RABGAP1L: variants seen among roughly 807,000 people sequenced by gnomAD.
RABGAP1L encodes the protein rab GTPase-activating protein 1-like.
Under a neutral mutation model 137.7 loss-of-function variants are expected in RABGAP1L, and 63 were observed. The observed-to-expected ratio is 0.46, with a 90% CI of 0.37 to 0.56. RABGAP1L has a LOEUF of 0.56. Ranked by LOEUF, RABGAP1L falls within the 20% of genes least tolerant of loss-of-function variation. The pLI, the probability that RABGAP1L is intolerant of heterozygous loss-of-function variation, is 0.00. For missense variants in RABGAP1L, 1,095 were observed against 1,244.0 expected (o/e 0.88, Z 1.80); for synonymous variants, 431 against 433.7 (o/e 0.99, Z 0.08).
At chr1:174,756,234 C>T (rs111748674) in intron 18 of RABGAP1L, among the ~76,000 whole-genome samples, 12 of 152,226 alleles carry the variant, frequency 7.9e-5, no homozygotes, top group Admixed American at 2.0e-4. Flanking sequence ...CTGCAACCTC[C>T]GCCTCCTGGG....
intron 14 of RABGAP1L, among the ~76,000 whole-genome samples, chr1:174,670,166 A>G (rs922003575): frequency 2.0e-5 from 3 of 152,140 alleles, no homozygotes; most frequent in African/African-American, 7.2e-5. Flanking sequence ...TCAATATATT[A>G]CAGTTTTTAA....
chr1:174,781,195 A>G (rs906775987), intron 18 of RABGAP1L, among the ~76,000 whole-genome samples: 1 of 152,178 alleles, frequency 6.6e-6, no homozygotes, highest in African/African-American at 2.4e-5. Context: ...AACACTGTAA[A>G]AATGTTCCTA....
intron 13 of RABGAP1L, among the ~76,000 whole-genome samples, chr1:174,406,459 T>C (rs1391080711): frequency 6.6e-6 from 1 of 152,192 alleles, no homozygotes; most frequent in Non-Finnish European, 1.5e-5. Context: ...AGAAAGATGT[T>C]AGAGGTTATT....
intron 11 of RABGAP1L, among the ~76,000 whole-genome samples, chr1:174,308,269 A>G (rs779799608): frequency 6.6e-6 from 1 of 151,994 alleles, no homozygotes; most frequent in Non-Finnish European, 1.5e-5. Flanking sequence ...ACACATATAC[A>G]TATATGCATA....
chr1:174,383,489 G>A (rs1055222356), intron 12 of RABGAP1L, among the ~76,000 whole-genome samples: 4 of 152,160 alleles, frequency 2.6e-5, no homozygotes, highest in Non-Finnish European at 5.9e-5. Context: ...ATATAATCTC[G>A]TGGTGCGCCG....
At chr1:174,734,789 A>G (rs1018120674) in intron 17 of RABGAP1L, among the ~76,000 whole-genome samples, 1 of 152,186 alleles carries the variant, frequency 6.6e-6, no homozygotes, top group Non-Finnish European at 1.5e-5. Context: ...TCCAATAGAA[A>G]TAGAATTATT....
chr1:174,547,168 C>T (rs1290170784), intron 13 of RABGAP1L, among the ~76,000 whole-genome samples: 2 of 151,218 alleles, frequency 1.3e-5, no homozygotes, highest in East Asian at 3.9e-4. Flanking sequence ...TTCAAATCTT[C>T]ATTCTTGATC....
chr1:174,722,937 C>G (rs905154499), intron 17 of RABGAP1L, among the ~76,000 whole-genome samples: 2 of 152,086 alleles, frequency 1.3e-5, no homozygotes, highest in African/African-American at 4.8e-5. Context: ...ATGTTGTGCT[C>G]TATATTAGGC....
chr1:174,468,637 T>C (rs1035007304), intron 13 of RABGAP1L, among the ~76,000 whole-genome samples: 5 of 152,214 alleles, frequency 3.3e-5, no homozygotes, highest in Non-Finnish European at 7.3e-5. Flanking sequence ...TAAACTAATA[T>C]TGAGCATTAT....
intron 19 of RABGAP1L, among the ~76,000 whole-genome samples, chr1:174,928,079 T>C (rs1465189498): frequency 1.3e-5 from 2 of 152,228 alleles, no homozygotes; most frequent in East Asian, 3.9e-4. Flanking sequence ...CTTCAAGATC[T>C]GGCCCTTCCT....
chr1:174,956,792 T>G (rs1668575960), intron 19 of RABGAP1L, among the ~76,000 whole-genome samples: 1 of 151,726 alleles, frequency 6.6e-6, no homozygotes, highest in Non-Finnish European at 1.5e-5. Flanking sequence ...GGATTACAGA[T>G]GCCCACCACC....
chr1:174,768,833 G>A (rs1256968098), intron 18 of RABGAP1L, among the ~76,000 whole-genome samples: 1 of 152,082 alleles, frequency 6.6e-6, no homozygotes, highest in Non-Finnish European at 1.5e-5. Flanking sequence ...ATGCCCTCTT[G>A]GACAAATTCT....
At chr1:174,889,109 T>TTTTTAA (rs1655668491) in intron 19 of RABGAP1L, among the ~76,000 whole-genome samples, 1 of 151,630 alleles carries the variant, frequency 6.6e-6, no homozygotes, top group African/African-American at 2.4e-5. Context: ...TTTGTTTTAT[T>TTTTTAA]TTTTAATTTT....
intron 15 of RABGAP1L, among the ~76,000 whole-genome samples, chr1:174,686,561 T>A (rs1678471352): frequency 6.6e-6 from 1 of 152,118 alleles, no homozygotes. Context: ...GAGCCATCTT[T>A]CTTCTAAAGG....
intron 17 of RABGAP1L, among the ~76,000 whole-genome samples, chr1:174,716,720 C>G (rs1681048138): frequency 6.6e-6 from 1 of 152,032 alleles, no homozygotes; most frequent in African/African-American, 2.4e-5. Flanking sequence ...GCTTCTTGTC[C>G]TCATCCTAGT....
chr1:174,327,968 T>TATAC (rs1161227192), intron 11 of RABGAP1L, among the ~76,000 whole-genome samples: 1 of 14,326 alleles, frequency 7.0e-5, no homozygotes, highest in African/African-American at 6.3e-4. Context: ...TATATATATA[T>TATAC]ATATATATAT....
intron 13 of RABGAP1L, among the ~76,000 whole-genome samples, chr1:174,480,050 T>G (rs1449522802): frequency 2.6e-5 from 4 of 152,214 alleles, no homozygotes. Flanking sequence ...CATTTTCATT[T>G]AAGACAGAAG....
At chr1:174,644,130 G>T (rs2148364315) in intron 14 of RABGAP1L, among the ~76,000 whole-genome samples, 1 of 152,114 alleles carries the variant, frequency 6.6e-6, no homozygotes, top group South Asian at 2.1e-4. Context: ...CAGCTCAACT[G>T]AGAAGATATA....
rs191658712 is a variant in RABGAP1L, at chr1:174,433,329, C to G, written c.1710+39184C>G. On this transcript the variant is annotated intron_variant, in intron 13 of 25. Transcript: ENST00000681986. Reference sequence around the variant, plus strand: ...GGAAAATATGAGAAGAAAGGTCATACTGTGTATGGTTTTATTTTATTGCTC... The same window carrying G: ...GGAAAATATGAGAAGAAAGGTCATAGTGTGTATGGTTTTATTTTATTGCTC... Among the ~76,000 whole-genome samples the G allele has an allele frequency of 4.6e-5, 7 of 152,306 alleles. No homozygotes were observed. The East Asian group carries it at 1.3e-3, about 29-fold the overall frequency.
Sources: allele counts gnomAD v4.1 joint callset (sites outside exome capture counted in the v4.1 genomes callset), GRCh38; gene constraint gnomAD v4.1.1; transcripts MANE v1.5; gene names NCBI Gene and HGNC (gene_info 2026-07-23, HGNC 2026-07-21).